Variants in CNTN5 observed in about 807,000 individuals in gnomAD.
The protein encoded by CNTN5 is contactin-5.
CNTN5 carries 77 observed loss-of-function variants against 129.1 expected under a neutral mutation model. That is an observed-to-expected ratio of 0.60 (90% confidence interval 0.50 to 0.72). CNTN5 has a LOEUF of 0.72. Ranked by LOEUF, CNTN5 falls within the 30% of genes least tolerant of loss-of-function variation. The probability of loss-of-function intolerance (pLI) is 0.00; values close to 1 mark genes in which losing one functional copy is unlikely to be tolerated. For synonymous variants in CNTN5, 509 were observed against 465.6 expected, an observed-to-expected ratio of 1.09 and a Z score of -1.20; for missense variants, 1,478 against 1,328.8, an observed-to-expected ratio of 1.11 and a Z score of -1.75.
intron 16 of CNTN5, among the ~76,000 whole-genome samples, chr11:100,229,068 T>A (rs1949438535): frequency 6.6e-6 from 1 of 152,140 alleles, no homozygotes; most frequent in African/African-American, 2.4e-5. Flanking sequence ...TAGCGCTAAC[T>A]AATTATATAT....
At chr11:100,286,584 T>G (rs1342102176) in intron 18 of CNTN5, among the ~76,000 whole-genome samples, 1 of 145,930 alleles carries the variant, frequency 6.9e-6, no homozygotes, top group Non-Finnish European at 1.5e-5. Flanking sequence ...AGAAAGGACA[T>G]CCACACCAAA....
intron 2 of CNTN5, among the ~76,000 whole-genome samples, chr11:99,508,322 C>T (rs1946701121): frequency 6.6e-6 from 1 of 152,112 alleles, no homozygotes; most frequent in Non-Finnish European, 1.5e-5. Context: ...TCCCCAGCTA[C>T]TGGGTAATAT....
rs199944780 is a variant in CNTN5 at position 100,191,181 on chromosome 11, G to A, written c.1636G>A (p.Glu546Lys). Residue 546 changes from glutamate (E) to lysine (K), a missense_variant, in exon 14 of 25, where the codon GAG (glutamate) becomes AAG (lysine). Coordinates refer to ENST00000524871, the MANE Select transcript of CNTN5 (RefSeq NM_014361.4). The stretch of plus-strand genomic sequence containing the variant: ...GATCCTAAATGCTTCCAAATCAGAC[G>A]AGGGAAAGTACGTTTGCCGAGGGGA... ...LRILNASKSDEGKYVCRGENV... is the reference protein window; with the variant it reads ...LRILNASKSDKGKYVCRGENV... The A allele has an allele frequency of 2.6e-5, 42 of 1,611,568 alleles. No homozygotes were observed. Among genetic ancestry groups the A allele is most frequent in the African/African-American group, 1.1e-4 (8 of 74,808 alleles).
intron 3 of CNTN5, among the ~76,000 whole-genome samples, chr11:99,804,755 T>C (rs1465337877): frequency 6.6e-6 from 1 of 151,012 alleles, no homozygotes; most frequent in East Asian, 1.9e-4. Flanking sequence ...TGAGTCTATG[T>C]TTATAGATAG....
intron 3 of CNTN5, among the ~76,000 whole-genome samples, chr11:99,726,591 A>G (rs1943347710): frequency 6.6e-6 from 1 of 152,220 alleles, no homozygotes; most frequent in Non-Finnish European, 1.5e-5. Flanking sequence ...GTATTTTTAT[A>G]TATTATCTAA....
chr11:99,584,358 A>T (rs1191331804), intron 3 of CNTN5, among the ~76,000 whole-genome samples: 1 of 152,200 alleles, frequency 6.6e-6, no homozygotes, highest in Non-Finnish European at 1.5e-5. Context: ...TCCTTAGTGC[A>T]GAGCTTCTCA....
intron 1 of CNTN5, among the ~76,000 whole-genome samples, chr11:99,110,427 A>G (rs567884278): frequency 2.0e-5 from 3 of 152,264 alleles, no homozygotes; most frequent in East Asian, 3.9e-4. Context: ...AAAGCATGCT[A>G]TATGAACATT....
rs1185825235 is a variant in CNTN5, at chr11:100,297,671, G to T, written c.2361G>T (p.Arg787Ser). ...ATGTAAGCGGAAGAAGTGGAAGAAG[G>T]CATGAGTTAGTCATTGCCTGGGAGG... ...PTNVSGRSGR[R>S]HELVIAWEPV... Residue 787 changes from arginine (R) to serine (S), a missense_variant, in exon 19 of 25, where the codon AGG becomes AGT. Physicochemically the swap from Arg to Ser is moderately radical, Grantham distance 110. Transcript: ENST00000524871. The T allele has an allele frequency of 6.2e-7, 1 of 1,604,330 alleles. No homozygotes were observed. Among genetic ancestry groups the T allele is most frequent in the Non-Finnish European group, 8.5e-7 (1 of 1,174,416 alleles).
At chr11:99,389,293 G>T (rs2136182892) in intron 2 of CNTN5, among the ~76,000 whole-genome samples, 1 of 152,206 alleles carries the variant, frequency 6.6e-6, no homozygotes, top group South Asian at 2.1e-4. Flanking sequence ...CCTGCAAAGT[G>T]CTGGGATTGC....
At chr11:100,297,877 C>A (rs1430325395) in intron 19 of CNTN5, among the ~76,000 whole-genome samples, 182 bp downstream of exon 19, 1 of 151,518 alleles carries the variant, frequency 6.6e-6, no homozygotes, top group East Asian at 1.9e-4. Context: ...TTAACCCATA[C>A]AACAATCTTA....
chr11:99,477,564 A>G (rs1274518342), intron 2 of CNTN5, among the ~76,000 whole-genome samples: 1 of 152,046 alleles, frequency 6.6e-6, no homozygotes, highest in African/African-American at 2.4e-5. Flanking sequence ...ATAGACAAAC[A>G]TACATATAAA....
chr11:100,254,748 G>A (rs544806522), intron 16 of CNTN5, among the ~76,000 whole-genome samples: 1 of 152,114 alleles, frequency 6.6e-6, no homozygotes, highest in South Asian at 2.1e-4. Flanking sequence ...TTAGGGTTTA[G>A]CTCATGTCTC....
At chr11:99,538,359 G>T (rs10893482) in intron 2 of CNTN5, among the ~76,000 whole-genome samples, 37,325 of 151,820 alleles carry the variant, frequency 0.25, 5,107 homozygotes, top group Non-Finnish European at 0.31. Flanking sequence ...ATAATAGGAC[G>T]AATAAAAAGA....
chr11:99,764,878 C>G (rs923644672), intron 3 of CNTN5, among the ~76,000 whole-genome samples: 3 of 152,048 alleles, frequency 2.0e-5, no homozygotes, highest in Non-Finnish European at 4.4e-5. Context: ...TAGCTCAAGT[C>G]TGGGCCAGTG....
intron 1 of CNTN5, among the ~76,000 whole-genome samples, chr11:99,040,654 C>T (rs1863949815): frequency 6.6e-6 from 1 of 152,044 alleles, no homozygotes; most frequent in Non-Finnish European, 1.5e-5. Context: ...TTGATGTTTA[C>T]TATGTGCAAG....
intron 2 of CNTN5, among the ~76,000 whole-genome samples, chr11:99,517,154 G>A (rs2466913): frequency 0.27 from 41,101 of 151,890 alleles, 6,012 homozygotes; most frequent in Middle Eastern, 0.4. Flanking sequence ...TCAAATACAG[G>A]GAGGTTAAGT....
At chr11:99,397,977 C>A (rs1941613720) in intron 2 of CNTN5, among the ~76,000 whole-genome samples, 1 of 151,806 alleles carries the variant, frequency 6.6e-6, no homozygotes, top group Non-Finnish European at 1.5e-5. Context: ...TATTTCACAT[C>A]TATATCTATA....
Position 99,962,561 on chromosome 11 carries a change from T to A in CNTN5, c.877+5552T>A, listed in dbSNP as rs545027568. The stretch of plus-strand genomic sequence containing the variant: ...TTTTCTTAATCCAGTCTATCATTGT[T>A]GGACATTTGGGTTGGTTCCAAGTCT... On this transcript the variant is annotated intron_variant, in intron 8 of 24. Coordinates refer to ENST00000524871, the MANE Select transcript of CNTN5 (RefSeq NM_014361.4). Among the ~76,000 whole-genome samples, 145 of 151,862 alleles carry A rather than the reference T, an allele frequency of 9.5e-4. 2 individuals are homozygous for A. The highest frequency in any genetic ancestry group is 3.1e-3 in the African/African-American group (129 of 41,324).
intron 7 of CNTN5, among the ~76,000 whole-genome samples, chr11:99,934,376 TA>T (rs1159776367): frequency 1.4e-4 from 22 of 152,200 alleles, no homozygotes; most frequent in Admixed American, 1.4e-3. Flanking sequence ...TTAATACACA[TA>T]TTTTTGAGTT....
Sources: allele counts gnomAD v4.1 joint callset (sites outside exome capture counted in the v4.1 genomes callset), GRCh38; gene constraint gnomAD v4.1.1; transcripts MANE v1.5; gene names NCBI Gene and HGNC (gene_info 2026-07-23, HGNC 2026-07-21).